The following DENND1B variants were observed in gnomAD, a reference collection of about 807,000 sequenced individuals.
The protein encoded by DENND1B is DENN domain-containing protein 1B.
In DENND1B, 59 loss-of-function variants were observed where a neutral mutation model predicts 90.1. The observed-to-expected ratio is 0.65, with a 90% CI of 0.53 to 0.81. The LOEUF (loss-of-function observed/expected upper bound fraction) is 0.81. Ranked by LOEUF, DENND1B falls within the 40% of genes least tolerant of loss-of-function variation. The pLI, the probability that DENND1B is intolerant of heterozygous loss-of-function variation, is 0.00. For missense variants in DENND1B, 862 were observed against 912.6 expected, an observed-to-expected ratio of 0.94 and a Z score of 0.71; for synonymous variants, 337 against 324.6, an observed-to-expected ratio of 1.04 and a Z score of -0.41.
intron 5 of DENND1B, among the ~76,000 whole-genome samples, chr1:197,669,971 G>A (rs894603021): frequency 1.3e-5 from 2 of 152,002 alleles, no homozygotes; most frequent in East Asian, 1.9e-4. Flanking sequence ...AAATTCAGGC[G>A]TTCTTCTACA....
At chr1:197,697,523 T>C (rs905733775) in intron 3 of DENND1B, among the ~76,000 whole-genome samples, 5 of 151,656 alleles carry the variant, frequency 3.3e-5, no homozygotes, top group African/African-American at 1.2e-4. Context: ...AACTCAGTGA[T>C]CAAAAAATAA....
intron 10 of DENND1B, among the ~76,000 whole-genome samples, chr1:197,634,312 T>C (rs573175508): frequency 3.9e-5 from 6 of 152,308 alleles, no homozygotes; most frequent in Admixed American, 3.9e-4. Flanking sequence ...ACTATGTAAT[T>C]TCTCTTTCCT....
chr1:197,528,198 A>G (rs1669282170), intron 20 of DENND1B, among the ~76,000 whole-genome samples: 1 of 152,172 alleles, frequency 6.6e-6, no homozygotes, highest in South Asian at 2.1e-4. Context: ...ATTTTAAAAT[A>G]TGACATTTAT....
chr1:197,607,409 A>G (rs557503359), intron 12 of DENND1B, among the ~76,000 whole-genome samples: 2 of 151,056 alleles, frequency 1.3e-5, no homozygotes, highest in South Asian at 2.1e-4. Context: ...ATCTTATATT[A>G]AACATAACTA....
At chr1:197,748,154 T>TGATAC (rs753902586) in intron 2 of DENND1B, among the ~76,000 whole-genome samples, 75 of 152,140 alleles carry the variant, frequency 4.9e-4, no homozygotes, top group East Asian at 3.9e-4. Context: ...AAACAAAATG[T>TGATAC]GATACTTAGT....
At chr1:197,577,981 A>G (rs989171153) in intron 15 of DENND1B, among the ~76,000 whole-genome samples, 1 of 152,216 alleles carries the variant, frequency 6.6e-6, no homozygotes, top group Admixed American at 6.5e-5. Flanking sequence ...AAAAATATAT[A>G]TGTTTTAACA....
intron 20 of DENND1B, among the ~76,000 whole-genome samples, chr1:197,525,098 A>T (rs746226750): frequency 1.3e-5 from 2 of 152,124 alleles, no homozygotes; most frequent in Non-Finnish European, 2.9e-5. Flanking sequence ...ATAGGTAGAA[A>T]GAAGGTCTTG....
intron 20 of DENND1B, among the ~76,000 whole-genome samples, chr1:197,528,858 C>CA (rs5779876): frequency 0.63 from 85,602 of 135,834 alleles, 29,748 homozygotes; most frequent in East Asian, 0.77. Context: ...AGACTCATCT[C>CA]AAAAAAAAAA....
At chr1:197,682,270 ATTCATGGTGTAT>A (rs1656768559) in intron 3 of DENND1B, among the ~76,000 whole-genome samples, 1 of 152,068 alleles carries the variant, frequency 6.6e-6, no homozygotes, top group South Asian at 2.1e-4. Flanking sequence ...TAGAAATGAG[ATTCATGGTGTAT>A]TTGAAAAGTT....
rs955503275 is a variant in DENND1B, at chr1:197,775,410, C to T, written c.-255G>A. The T allele has an allele frequency of 2.2e-5, 7 of 321,350 alleles. No individual in the cohort carries two copies. Among genetic ancestry groups the T allele is most frequent in the Admixed American group, 5.0e-5 (1 of 20,168 alleles). 19.9% of individuals were successfully genotyped at this position (321,350 alleles called of 1,614,324 possible). A position where few individuals can be genotyped will look rare whatever the true frequency, so the allele number is the denominator to read the frequency against. ...CCGCCGCCCCCGTCTCCGCCGGTAG[C>T]CGCCACCAAAGCTGAGGCCTCTCAG... On this transcript the variant is annotated 5_prime_UTR_variant, in exon 1 of 23. Transcript: ENST00000620048.
upstream of DENND1B, among the ~76,000 whole-genome samples, chr1:197,778,636 C>T (rs530603229): frequency 1.6e-4 from 25 of 151,584 alleles, no homozygotes; most frequent in Admixed American, 3.9e-4. Context: ...AAGATCATGC[C>T]GCTGCATTGC....
intron 20 of DENND1B, among the ~76,000 whole-genome samples, chr1:197,521,111 T>C (rs373802255): frequency 5.1e-4 from 77 of 151,900 alleles, no homozygotes; most frequent in African/African-American, 1.8e-3. Context: ...TGTAAGAAAA[T>C]GTACACAAAA....
At chr1:197,589,554 C>T (rs1675004355) in intron 14 of DENND1B, among the ~76,000 whole-genome samples, 1 of 152,108 alleles carries the variant, frequency 6.6e-6, no homozygotes, top group Non-Finnish European at 1.5e-5. Context: ...TTGACAATTA[C>T]AAGTTTCTTA....
chr1:197,748,544 T>C (rs1363826256), intron 2 of DENND1B, among the ~76,000 whole-genome samples: 1 of 152,100 alleles, frequency 6.6e-6, no homozygotes, highest in Non-Finnish European at 1.5e-5. Flanking sequence ...ACAAAGATCC[T>C]TAGATGTTGA....
chr1:197,618,308 T>G (rs1247850671), intron 10 of DENND1B, among the ~76,000 whole-genome samples: 2 of 151,140 alleles, frequency 1.3e-5, no homozygotes, highest in Admixed American at 6.6e-5. Flanking sequence ...GGTTACGGTA[T>G]CAAGAGACTC....
At chr1:197,602,322 C>G (rs184182301) in intron 13 of DENND1B, among the ~76,000 whole-genome samples, 1 of 151,554 alleles carries the variant, frequency 6.6e-6, no homozygotes, top group African/African-American at 2.4e-5. Context: ...GTGGTGGAGG[C>G]AAGGTACACC....
intron 15 of DENND1B, among the ~76,000 whole-genome samples, chr1:197,568,445 A>G (rs922237971): frequency 6.6e-6 from 1 of 152,174 alleles, no homozygotes; most frequent in Non-Finnish European, 1.5e-5. Flanking sequence ...CTACAGTTCA[A>G]CGTAATTCCT....
intron 10 of DENND1B, among the ~76,000 whole-genome samples, chr1:197,619,223 C>T (rs1677926651): frequency 6.6e-6 from 1 of 151,150 alleles, no homozygotes; most frequent in Non-Finnish European, 1.5e-5. Flanking sequence ...CAATATGCCA[C>T]TAGGAGGCAT....
intron 2 of DENND1B, among the ~76,000 whole-genome samples, chr1:197,730,075 A>C (rs1401231703): frequency 1.3e-5 from 2 of 152,164 alleles, no homozygotes; most frequent in African/African-American, 4.8e-5. Flanking sequence ...GAGGTATATC[A>C]CAAAGAATTT....
Sources: allele counts gnomAD v4.1 joint callset (sites outside exome capture counted in the v4.1 genomes callset), GRCh38; gene constraint gnomAD v4.1.1; transcripts MANE v1.5; gene names NCBI Gene and HGNC (gene_info 2026-07-23, HGNC 2026-07-21).